The following EPHB1 variants were observed in gnomAD, a reference collection of about 807,000 sequenced individuals.
The protein encoded by EPHB1 is ephrin type-B receptor 1.
EPHB1 carries 30 observed loss-of-function variants against 94.4 expected under a neutral mutation model. That is an observed-to-expected ratio of 0.32 (90% confidence interval 0.24 to 0.43). The LOEUF is 0.43. EPHB1 is among the 20% of genes least tolerant of loss of function. The probability of loss-of-function intolerance (pLI) is 1.00; values close to 1 mark genes in which losing one functional copy is unlikely to be tolerated. For missense variants in EPHB1, 1,055 were observed against 1,308.3 expected (o/e 0.81, Z 2.99); for synonymous variants, 522 against 489.1 (o/e 1.07, Z -0.89).
chr3:135,031,264 G>T (rs1936456276), intron 3 of EPHB1, among the ~76,000 whole-genome samples: 1 of 152,102 alleles, frequency 6.6e-6, no homozygotes, highest in Non-Finnish European at 1.5e-5. Flanking sequence ...AGGTTACAAA[G>T]AATCCCTTCT....
chr3:134,845,291 C>T (rs534635416), intron 1 of EPHB1, among the ~76,000 whole-genome samples: 13 of 152,254 alleles, frequency 8.5e-5, no homozygotes, highest in Admixed American at 2.0e-4. Context: ...AATTTCATTT[C>T]TTTCCATAAG....
intron 11 of EPHB1, among the ~76,000 whole-genome samples, chr3:135,194,792 G>A (rs1438229304): frequency 6.6e-6 from 1 of 152,166 alleles, no homozygotes; most frequent in Admixed American, 6.5e-5. Flanking sequence ...GCCTCCTTGA[G>A]GGTATGGGGT....
At chr3:135,195,904 C>T (rs1416198692) in intron 11 of EPHB1, among the ~76,000 whole-genome samples, 12 of 129,400 alleles carry the variant, frequency 9.3e-5, no homozygotes, top group African/African-American at 3.9e-4. Context: ...CCTGAGGAAT[C>T]GCCACACTGA....
intron 12 of EPHB1, among the ~76,000 whole-genome samples, chr3:135,230,239 T>C (rs1943500729): frequency 6.6e-6 from 1 of 152,200 alleles, no homozygotes. Flanking sequence ...TGGTCCTCCA[T>C]GCCAGCCTGT....
At chr3:135,058,031 T>C (rs1197372322) in intron 3 of EPHB1, among the ~76,000 whole-genome samples, 1 of 152,128 alleles carries the variant, frequency 6.6e-6, no homozygotes, top group Middle Eastern at 3.2e-3. Flanking sequence ...CTGGCGTGGG[T>C]TCTCTGAGGC....
chr3:134,849,632 A>G (rs760041078), intron 1 of EPHB1, among the ~76,000 whole-genome samples: 1 of 152,122 alleles, frequency 6.6e-6, no homozygotes, highest in African/African-American at 2.4e-5. Context: ...GCACATGAAA[A>G]TGCAGCAAGC....
intron 15 of EPHB1, among the ~76,000 whole-genome samples, chr3:135,250,964 A>G (rs1933061276): frequency 6.6e-6 from 1 of 152,032 alleles, no homozygotes; most frequent in African/African-American, 2.4e-5. Flanking sequence ...ATCCACCCCT[A>G]TAGCTGAGCC....
intron 3 of EPHB1, among the ~76,000 whole-genome samples, chr3:135,024,487 T>C (rs1936079830): frequency 6.6e-6 from 1 of 152,122 alleles, no homozygotes; most frequent in Non-Finnish European, 1.5e-5. Context: ...GAAACACGGA[T>C]GGACATCGCC....
intron 3 of EPHB1, among the ~76,000 whole-genome samples, chr3:135,056,459 C>G (rs1267103747): frequency 1.3e-5 from 2 of 152,226 alleles, no homozygotes; most frequent in Non-Finnish European, 2.9e-5. Context: ...GGGCCTGTCA[C>G]AGGCAAAGCT....
chr3:135,146,740 A>G (rs966220938), intron 5 of EPHB1, among the ~76,000 whole-genome samples: 2 of 152,186 alleles, frequency 1.3e-5, no homozygotes, highest in Admixed American at 6.5e-5. Context: ...CGACATATTT[A>G]TATATCCTCT....
chr3:135,122,386 T>A (rs543714390), intron 4 of EPHB1, among the ~76,000 whole-genome samples: 1 of 152,326 alleles, frequency 6.6e-6, no homozygotes, highest in East Asian at 1.9e-4. Flanking sequence ...TTGAAAGCCA[T>A]GTCTTTAAGA....
intron 3 of EPHB1, among the ~76,000 whole-genome samples, chr3:135,082,185 G>C (rs140495761): frequency 2.6e-5 from 4 of 152,158 alleles, no homozygotes; most frequent in Admixed American, 2.0e-4. Context: ...GGGCACCACG[G>C]ACAGACATGA....
chr3:134,826,959 A>G (rs928158771), intron 1 of EPHB1, among the ~76,000 whole-genome samples: 4 of 152,202 alleles, frequency 2.6e-5, no homozygotes, highest in Non-Finnish European at 2.9e-5. Flanking sequence ...AGCATAGTGC[A>G]TGCAATAGGT....
intron 12 of EPHB1, among the ~76,000 whole-genome samples, chr3:135,231,273 C>T (rs1559883878): frequency 6.6e-6 from 1 of 152,100 alleles, no homozygotes; most frequent in Admixed American, 6.5e-5. Flanking sequence ...ATGCCTGTAT[C>T]CTGGCCATCA....
At chr3:134,896,385 C>T (rs2038088135) in intron 1 of EPHB1, among the ~76,000 whole-genome samples, 1 of 152,188 alleles carries the variant, frequency 6.6e-6, no homozygotes, top group Admixed American at 6.5e-5. Flanking sequence ...GGGGGACAAT[C>T]ACAGAACCTG....
At chr3:135,073,320 A>AC (rs1937791238) in intron 3 of EPHB1, among the ~76,000 whole-genome samples, 1 of 152,218 alleles carries the variant, frequency 6.6e-6, no homozygotes, top group South Asian at 2.1e-4. Context: ...CCTGTCACCT[A>AC]GTAAGAGTTC....
At chr3:134,961,039 C>T (rs780847417) in intron 3 of EPHB1, among the ~76,000 whole-genome samples, 3 of 152,200 alleles carry the variant, frequency 2.0e-5, no homozygotes, top group Admixed American at 1.3e-4. Context: ...TCTCCTTCCT[C>T]ATTCAAATTG....
chr3:134,951,776 T>C lies in EPHB1; in HGVS notation c.529T>C (p.Phe177Leu). The change falls in exon 3 of 16, where the codon TTT becomes CTT. Residue 177 changes from phenylalanine to leucine, a missense_variant. Physicochemically the swap from Phe to Leu is conservative, Grantham distance 22. Transcript: ENST00000398015. The surrounding 1 kb of genome is among the most constrained non-coding windows in gnomAD (Gnocchi z 4.5). ...PLTRNGFYLA[F>L]QDYGACMSLL... ...TACTCGGAATGGTTTTTACCTCGCTTTTCAGGATTATGGAGCCTGTATGTC... is the reference window on the plus strand; with the variant it reads ...TACTCGGAATGGTTTTTACCTCGCTCTTCAGGATTATGGAGCCTGTATGTC... The C allele has an allele frequency of 1.2e-6, 2 of 1,614,024 alleles. No individual in the cohort carries two copies. The highest frequency in any genetic ancestry group is 1.7e-6 in the Non-Finnish European group (2 of 1,179,898).
intron 1 of EPHB1, among the ~76,000 whole-genome samples, chr3:134,828,753 C>A (rs988539437): frequency 6.6e-6 from 1 of 152,154 alleles, no homozygotes; most frequent in Non-Finnish European, 1.5e-5. Flanking sequence ...ATGGTGCTTC[C>A]TGGAGATGCT....
Sources: allele counts gnomAD v4.1 joint callset (sites outside exome capture counted in the v4.1 genomes callset), GRCh38; gene constraint gnomAD v4.1.1; non-coding constraint Gnocchi (gnomAD v3.1); transcripts MANE v1.5; gene names NCBI Gene and HGNC (gene_info 2026-07-23, HGNC 2026-07-21).